Variants in ATAD1 observed in about 807,000 individuals in gnomAD.
ATAD1 encodes the protein ATPase family AAA domain containing 1.
Under a neutral mutation model 42.7 loss-of-function variants are expected in ATAD1, and 18 were observed. That is an observed-to-expected ratio of 0.42 (90% CI 0.29 to 0.63). ATAD1 has a LOEUF of 0.63. ATAD1 is among the 20% of genes least tolerant of loss of function. The pLI is 0.19. For synonymous variants in ATAD1, 132 were observed against 143.1 expected, an observed-to-expected ratio of 0.92 and a Z score of 0.55; for missense variants, 294 against 440.4, an observed-to-expected ratio of 0.67 and a Z score of 2.98.
At chr10:87,798,819 G>C (rs1856542127) in intron 2 of ATAD1, among the ~76,000 whole-genome samples, 1 of 151,954 alleles carries the variant, frequency 6.6e-6, no homozygotes. Flanking sequence ...GCAAATTAAA[G>C]GCTATTTAGC....
intron 4 of ATAD1, among the ~76,000 whole-genome samples, chr10:87,785,077 ACTGTTTTG>A (rs1230093175): frequency 6.6e-6 from 1 of 152,214 alleles, no homozygotes; most frequent in East Asian, 1.9e-4. Flanking sequence ...TGTGGCAAAC[ACTGTTTTG>A]CTGTTGCTCA....
intron 8 of ATAD1, among the ~76,000 whole-genome samples, chr10:87,761,150 A>C (rs34878240): frequency 0.29 from 44,559 of 151,920 alleles, 6,740 homozygotes; most frequent in Middle Eastern, 0.31. Flanking sequence ...CCAAATAAAT[A>C]TATGTGCTAC....
intron 2 of ATAD1, among the ~76,000 whole-genome samples, chr10:87,804,435 T>C (rs1190225664): frequency 6.6e-6 from 1 of 151,024 alleles, no homozygotes; most frequent in East Asian, 2.0e-4. Context: ...AATGGTGAGA[T>C]CTCGGCTCAC....
intron 1 of ATAD1, among the ~76,000 whole-genome samples, chr10:87,838,098 A>G (rs1431753773): frequency 6.6e-6 from 1 of 152,178 alleles, no homozygotes; most frequent in Non-Finnish European, 1.5e-5. Flanking sequence ...ACAAAAACAG[A>G]AAACTCACTG....
chr10:87,791,980 A>G (rs1856144075), intron 3 of ATAD1, among the ~76,000 whole-genome samples: 1 of 152,202 alleles, frequency 6.6e-6, no homozygotes, highest in Non-Finnish European at 1.5e-5. Context: ...TAAACTCTAT[A>G]AAACAAAAAT....
At chr10:87,838,894 G>A (rs979321718) in intron 1 of ATAD1, among the ~76,000 whole-genome samples, 2 of 152,212 alleles carry the variant, frequency 1.3e-5, no homozygotes, top group African/African-American at 4.8e-5. Context: ...GATTTCTGCT[G>A]TTTTCGCCAT....
At position 87,753,481 on chromosome 10, in the gene ATAD1, T is replaced by C. The variant is rs1854096441; in HGVS notation, c.*1206A>G. ...AGATTGTGTTGTGCCGTTTTCCTCA[T>C]GCTGCGTGGTTAGGTGCCTATAACA... On this transcript the variant is annotated 3_prime_UTR_variant, in exon 10 of 10. Coordinates refer to ENST00000680024, the MANE Select transcript of ATAD1 (RefSeq NM_001321967.2). 1 of 152,210 alleles carries C rather than the reference T, an allele frequency of 6.6e-6. No homozygotes were observed. The highest frequency in any genetic ancestry group is 2.4e-5 in the African/African-American group (1 of 41,446). The allele number at this position is 152,210 out of a possible 1,614,324, so 9.4% of individuals were successfully genotyped here.
intron 1 of ATAD1, among the ~76,000 whole-genome samples, chr10:87,837,921 AAAGAG>A (rs1857958239): frequency 1.3e-5 from 2 of 152,162 alleles, no homozygotes; most frequent in Non-Finnish European, 2.9e-5. Context: ...ATGGAGAACA[AAAGAG>A]AAGAAATTGG....
chr10:87,835,191 T>C (rs1857908826), intron 1 of ATAD1, among the ~76,000 whole-genome samples: 1 of 152,136 alleles, frequency 6.6e-6, no homozygotes, highest in Non-Finnish European at 1.5e-5. Flanking sequence ...TTAAAGAGTA[T>C]GTATTCTGCT....
At chr10:87,796,090 T>G (rs569133242) in intron 2 of ATAD1, among the ~76,000 whole-genome samples, 8 of 152,338 alleles carry the variant, frequency 5.3e-5, no homozygotes, top group African/African-American at 1.9e-4. Context: ...AATCATTTAT[T>G]ACAAACTTAC....
At position 87,753,995 on chromosome 10, in the gene ATAD1, A is replaced by G. The variant is rs1467703090; in HGVS notation, c.*692T>C. ...AACAACCATTCAATGCTGATCACTGAACTAGTATTTTCATTTGATTATCCT... is the reference window on the plus strand; with the variant it reads ...AACAACCATTCAATGCTGATCACTGGACTAGTATTTTCATTTGATTATCCT... On this transcript the variant is annotated 3_prime_UTR_variant, in exon 10 of 10. Coordinates refer to ENST00000680024, the MANE Select transcript of ATAD1 (RefSeq NM_001321967.2). The G allele has an allele frequency of 6.6e-6, 1 of 152,254 alleles. No homozygotes were observed. The highest frequency in any genetic ancestry group is 1.5e-5 in the Non-Finnish European group (1 of 68,028). The allele number at this position is 152,254 out of a possible 1,614,324, so 9.4% of individuals were successfully genotyped here.
intron 1 of ATAD1, among the ~76,000 whole-genome samples, chr10:87,831,463 G>A (rs188490023): frequency 4.5e-4 from 68 of 152,258 alleles, no homozygotes; most frequent in Admixed American, 1.0e-3. Context: ...CTTCAAGAGT[G>A]GTGTGACCAG....
At chr10:87,819,289 A>AAAAAAAC (rs1857577321), upstream of ATAD1, 1 of 150,396 alleles carries the variant, frequency 6.6e-6, no homozygotes, top group Non-Finnish European at 1.5e-5. Context: ...AAAAAAAAAA[A>AAAAAAAC]AACCACCTAA....
rs5786793 is a variant in ATAD1 at position 87,775,514 on chromosome 10, TAAAA to T, written c.690+803_690+806del. 4.0e-3 allele frequency among the ~76,000 whole-genome samples: 446 copies of T among 110,582 alleles called. 6 individuals carry two copies. The Middle Eastern group carries it at 0.11, about 26-fold the overall frequency. The allele number at this position is 110,582 out of a possible 152,430, so 72.5% of individuals were successfully genotyped here. A position where few individuals can be genotyped will look rare whatever the true frequency, so the allele number is the denominator to read the frequency against. On this transcript the variant is annotated intron_variant, in intron 6 of 9. Transcript: ENST00000680024. ...CATGAGATATAAGTAAGTGATTCAT[TAAAA>T]AAAAAAAAAAAAAAAGGGAAAATGG...
chr10:87,761,420 G>C (rs1271012970), intron 8 of ATAD1, among the ~76,000 whole-genome samples: 1 of 152,158 alleles, frequency 6.6e-6, no homozygotes, highest in Non-Finnish European at 1.5e-5. Flanking sequence ...CTAGCACTTT[G>C]GGAGGCTGAG....
At chr10:87,794,354 CT>C (rs935223407) in intron 2 of ATAD1, among the ~76,000 whole-genome samples, 14 of 152,304 alleles carry the variant, frequency 9.2e-5, no homozygotes, top group Admixed American at 6.5e-4. Flanking sequence ...TAAATACCTT[CT>C]CTTTTACTGC....
chr10:87,829,261 A>G (rs1857786588), intron 1 of ATAD1, among the ~76,000 whole-genome samples: 1 of 150,546 alleles, frequency 6.6e-6, no homozygotes, highest in Admixed American at 6.7e-5. Context: ...TTATTTATTT[A>G]TTTATTTATT....
At chr10:87,806,848 G>A (rs575053414) in intron 2 of ATAD1, among the ~76,000 whole-genome samples, 8 of 152,110 alleles carry the variant, frequency 5.3e-5, no homozygotes, top group South Asian at 4.1e-4. Flanking sequence ...GAGGAAGGAC[G>A]AAAGTTAATC....
At chr10:87,828,785 T>C (rs778583294) in intron 1 of ATAD1, among the ~76,000 whole-genome samples, 1 of 152,222 alleles carries the variant, frequency 6.6e-6, no homozygotes, top group African/African-American at 2.4e-5. Context: ...TGACTTTAAG[T>C]TGAAACCAAT....
Sources: allele counts gnomAD v4.1 joint callset (sites outside exome capture counted in the v4.1 genomes callset), GRCh38; gene constraint gnomAD v4.1.1; transcripts MANE v1.5; gene names NCBI Gene and HGNC (gene_info 2026-07-23, HGNC 2026-07-21).